SEMA5A: variants seen among roughly 807,000 people sequenced by gnomAD.
SEMA5A encodes the protein semaphorin-5A.
SEMA5A carries 55 observed loss-of-function variants against 135.5 expected under a neutral mutation model. The ratio of observed to expected loss-of-function variants is 0.41; its 90% CI spans 0.33 to 0.51. SEMA5A has a LOEUF of 0.51. SEMA5A is among the 20% of genes least tolerant of loss of function. The pLI, the probability that SEMA5A is intolerant of heterozygous loss-of-function variation, is 0.37. For missense variants in SEMA5A, 1,290 were observed against 1,419.9 expected, an observed-to-expected ratio of 0.91 and a Z score of 1.47; for synonymous variants, 580 against 546.5, an observed-to-expected ratio of 1.06 and a Z score of -0.85.
At chr5:9,188,052 C>T (rs1204330646) in intron 11 of SEMA5A, among the ~76,000 whole-genome samples, 1 of 152,100 alleles carries the variant, frequency 6.6e-6, no homozygotes, top group East Asian at 1.9e-4. Context: ...ATGTTGAAGC[C>T]CTAATCCCCC....
intron 5 of SEMA5A, among the ~76,000 whole-genome samples, chr5:9,297,193 C>T (rs149934772): frequency 6.7e-6 from 1 of 148,462 alleles, no homozygotes; most frequent in African/African-American, 2.4e-5. Flanking sequence ...TGTATATACA[C>T]ATACATATGT....
rs1738650135 is a variant in SEMA5A at position 9,085,809 on chromosome 5, C to T, written c.2074-19163G>A. ...ATGGTAGATCCACTGACAGCTTGCA[C>T]CATGCACCCGGAAAAGCCGCAGACA... On this transcript the variant is annotated intron_variant, in intron 16 of 22. Transcript: ENST00000382496. Among the ~76,000 whole-genome samples, 3 of 152,156 alleles carry T rather than the reference C, an allele frequency of 2.0e-5. No individual in the cohort carries two copies. The South Asian group carries it at 6.2e-4, about 31-fold the overall frequency.
At chr5:9,358,883 C>A (rs1407527148) in intron 3 of SEMA5A, among the ~76,000 whole-genome samples, 1 of 152,118 alleles carries the variant, frequency 6.6e-6, no homozygotes, top group Non-Finnish European at 1.5e-5. Context: ...TAGGTTGAGG[C>A]ATTGAGGTAC....
intron 1 of SEMA5A, among the ~76,000 whole-genome samples, chr5:9,452,600 G>T (rs1306970579): frequency 1.3e-5 from 2 of 152,110 alleles, no homozygotes; most frequent in East Asian, 3.9e-4. Context: ...GTGAGCCCCC[G>T]CAAATACAGC....
chr5:9,383,854 A>G (rs1755718498), intron 2 of SEMA5A, among the ~76,000 whole-genome samples: 1 of 152,166 alleles, frequency 6.6e-6, no homozygotes, highest in Non-Finnish European at 1.5e-5. Flanking sequence ...TGAAAGGAAG[A>G]GAAAAATAAC....
Position 9,042,911 on chromosome 5 carries a change from A to C in SEMA5A, c.3211T>G (p.Tyr1071Asp), listed in dbSNP as rs1410750635. The change falls in exon 23 of 23, where the codon TAT becomes GAT. Residue 1071 changes from tyrosine to aspartate, a missense_variant. Physicochemically the swap from Tyr to Asp is radical, Grantham distance 160 (BLOSUM62 -3). Around this residue, in one of 3 missense-constraint regions of SEMA5A, gnomAD observed 1,029 missense variants for 1,086.6 expected, o/e 0.95. Transcript: ENST00000382496. ...CATGAAAGCTGTTAGTACTCATCATAATTATTGAGATCTGTAAAGTAGGCA... is the reference window on the plus strand; with the variant it reads ...CATGAAAGCTGTTAGTACTCATCATCATTATTGAGATCTGTAAAGTAGGCA... Reference protein sequence around the residue: ...SNAYFTDLNNYDEY With the variant: ...SNAYFTDLNNDDEY The C allele has an allele frequency of 6.2e-7, 1 of 1,613,984 alleles. No individual in the cohort carries two copies. The highest frequency in any genetic ancestry group is 8.5e-7 in the Non-Finnish European group (1 of 1,179,930).
intron 4 of SEMA5A, among the ~76,000 whole-genome samples, chr5:9,333,603 C>T (rs1753256044): frequency 6.6e-6 from 1 of 152,176 alleles, no homozygotes; most frequent in African/African-American, 2.4e-5. Flanking sequence ...GGAGTGTTAT[C>T]ACTGCCATTC....
chr5:9,405,195 T>G (rs1756829211), intron 2 of SEMA5A, among the ~76,000 whole-genome samples: 1 of 152,210 alleles, frequency 6.6e-6, no homozygotes, highest in Non-Finnish European at 1.5e-5. Context: ...ATTTCTGCCC[T>G]TCCTGAGGAT....
intron 2 of SEMA5A, among the ~76,000 whole-genome samples, chr5:9,436,631 T>TG (rs373904544): frequency 1.8e-4 from 27 of 152,158 alleles, no homozygotes; most frequent in African/African-American, 6.3e-4. Flanking sequence ...GTTTTGTGAA[T>TG]GGGGAAAAAA....
intron 2 of SEMA5A, among the ~76,000 whole-genome samples, chr5:9,425,094 C>T (rs572190806): frequency 1.1e-4 from 16 of 152,200 alleles, no homozygotes; most frequent in Non-Finnish European, 2.2e-4. Context: ...TAACCCTTAC[C>T]CACCTCTGTG....
chr5:9,282,730 C>T (rs1277497079), intron 5 of SEMA5A, among the ~76,000 whole-genome samples: 1 of 152,280 alleles, frequency 6.6e-6, no homozygotes, highest in East Asian at 1.9e-4. Flanking sequence ...CTCTAAAATA[C>T]GTAATTCCAT....
chr5:9,435,405 A>T (rs1227167108), intron 2 of SEMA5A, among the ~76,000 whole-genome samples: 1 of 152,214 alleles, frequency 6.6e-6, no homozygotes, highest in Non-Finnish European at 1.5e-5. Flanking sequence ...ATTTGAGCAA[A>T]GCTGTAATTT....
At chr5:9,435,929 G>A (rs1430013184) in intron 2 of SEMA5A, among the ~76,000 whole-genome samples, 1 of 152,180 alleles carries the variant, frequency 6.6e-6, no homozygotes, top group Non-Finnish European at 1.5e-5. Flanking sequence ...CTACAGGTCT[G>A]AGTAACTCCA....
chr5:9,107,596 A>T (rs374522192), intron 16 of SEMA5A, among the ~76,000 whole-genome samples: 1 of 151,306 alleles, frequency 6.6e-6, no homozygotes, highest in South Asian at 2.1e-4. Context: ...GAACAGAAAA[A>T]CTCCTGGGAC....
At chr5:9,130,965 G>A (rs1487146074) in intron 13 of SEMA5A, among the ~76,000 whole-genome samples, 1 of 152,144 alleles carries the variant, frequency 6.6e-6, no homozygotes, top group Non-Finnish European at 1.5e-5. Context: ...AGGGCTCTGG[G>A]CTTGATCACT....
At chr5:9,473,912 G>A (rs967705472) in intron 1 of SEMA5A, among the ~76,000 whole-genome samples, 3 of 152,154 alleles carry the variant, frequency 2.0e-5, no homozygotes, top group Admixed American at 6.5e-5. Context: ...CTGTGAATCA[G>A]TGATCAAAAG....
rs1226211067 is a variant in SEMA5A, at chr5:9,112,257, T to C, written c.1926-3970A>G. On this transcript the variant is annotated intron_variant, in intron 15 of 22. Transcript: ENST00000382496. ...CACTTTTTTTCACAAATCTAGTCTC[T>C]TATGAAAATAAAGACCTTTTATAAT... 3.3e-5 allele frequency among the ~76,000 whole-genome samples: 5 copies of C among 152,368 alleles called. No homozygotes were observed. The East Asian group carries it at 9.6e-4, about 29-fold the overall frequency.
intron 8 of SEMA5A, among the ~76,000 whole-genome samples, chr5:9,224,237 C>A (rs1456326234): frequency 6.6e-6 from 1 of 152,170 alleles, no homozygotes; most frequent in Admixed American, 6.5e-5. Context: ...AATTGTCATA[C>A]TTTTTGGAGT....
chr5:9,050,792 A>C (rs1736531015), intron 20 of SEMA5A, among the ~76,000 whole-genome samples: 1 of 152,228 alleles, frequency 6.6e-6, no homozygotes, highest in South Asian at 2.1e-4. Flanking sequence ...CAACACACAG[A>C]GTACTCCTGT....
Sources: gnomAD v4.1 joint callset for allele counts (sites outside exome capture counted in the v4.1 genomes callset) on GRCh38, gnomAD v4.1.1 for gene constraint, gnomAD v4.1.1 regional missense constraint, MANE v1.5 for transcripts, NCBI Gene and HGNC (gene_info 2026-07-23, HGNC 2026-07-21) for gene names.